The following PCDH15 variants were observed in gnomAD, a reference collection of about 807,000 sequenced individuals.
PCDH15 encodes the protein protocadherin related 15, also known as protocadherin-15.
In PCDH15, 129 loss-of-function variants were observed where a neutral mutation model predicts 178.5. That is an observed-to-expected ratio of 0.72 (90% CI 0.63 to 0.84). PCDH15 has a LOEUF of 0.84. Ranked by LOEUF, PCDH15 falls within the 40% of genes least tolerant of loss-of-function variation. The probability of loss-of-function intolerance (pLI) is 0.00; values close to 1 mark genes in which losing one functional copy is unlikely to be tolerated. For missense variants in PCDH15, 2,230 were observed against 2,099.9 expected (o/e 1.06, Z -1.21); for synonymous variants, 800 against 732.0 (o/e 1.09, Z -1.50).
chr10:53,925,341 C>A (rs886958523), intron 25 of PCDH15, among the ~76,000 whole-genome samples: 1 of 152,078 alleles, frequency 6.6e-6, no homozygotes, highest in Admixed American at 6.5e-5. Flanking sequence ...TAACGCTTAC[C>A]GCGAAGGTCT....
chr10:54,681,822 T>G (rs2094905726), intron 1 of PCDH15, among the ~76,000 whole-genome samples: 1 of 152,208 alleles, frequency 6.6e-6, no homozygotes, highest in Non-Finnish European at 1.5e-5. Context: ...GAAAATAATC[T>G]ATTAAAAAGT....
At chr10:54,000,652 A>G (rs889442392) in intron 20 of PCDH15, among the ~76,000 whole-genome samples, 5 of 152,036 alleles carry the variant, frequency 3.3e-5, no homozygotes, top group African/African-American at 1.2e-4. Context: ...GCAAGAGAAA[A>G]AAAAGAACAA....
chr10:55,018,456 ATTC>A (rs993214894), intron 2 of PCDH15, among the ~76,000 whole-genome samples: 2 of 152,024 alleles, frequency 1.3e-5, no homozygotes, highest in African/African-American at 4.8e-5. Context: ...GTAATACTGT[ATTC>A]TTCTTTTTAT....
chr10:53,970,118 T>G (rs938459410), intron 21 of PCDH15, among the ~76,000 whole-genome samples: 3 of 152,078 alleles, frequency 2.0e-5, no homozygotes, highest in African/African-American at 7.2e-5. Flanking sequence ...GAGACCTATC[T>G]TATGTGCAGC....
rs111593362 is a variant in PCDH15 at position 54,022,070 on chromosome 10, G to C, written c.2526+822C>G. 6.6e-3 allele frequency among the ~76,000 whole-genome samples: 1,001 copies of C among 151,656 alleles called. 8 individuals carry two copies. Among genetic ancestry groups the C allele is most frequent in the African/African-American group, 0.023 (944 of 41,386 alleles). The stretch of plus-strand genomic sequence containing the variant: ...TGGAAGGGATACAGAGTCTGGAAAA[G>C]TATGCTAAAAACATTCAAGTTGTGG... On this transcript the variant is annotated intron_variant, in intron 19 of 37. Transcript: ENST00000644397.
intron 2 of PCDH15, among the ~76,000 whole-genome samples, chr10:54,579,906 A>C (rs2090878945): frequency 6.6e-6 from 1 of 152,080 alleles, no homozygotes. Context: ...ATATTAAGGA[A>C]ATTTATAAAA....
At chr10:54,088,879 A>C (rs2094555328) in intron 16 of PCDH15, among the ~76,000 whole-genome samples, 1 of 152,194 alleles carries the variant, frequency 6.6e-6, no homozygotes, top group African/African-American at 2.4e-5. Flanking sequence ...AAGTCTGTCC[A>C]GGTGCTTATA....
At chr10:54,769,493 C>G (rs1275012790) in intron 1 of PCDH15, among the ~76,000 whole-genome samples, 1 of 150,750 alleles carries the variant, frequency 6.6e-6, no homozygotes, top group African/African-American at 2.4e-5. Flanking sequence ...GCATCCTTTG[C>G]AAACTCACCA....
intron 2 of PCDH15, among the ~76,000 whole-genome samples, chr10:54,959,056 T>C (rs1033586980): frequency 6.6e-6 from 1 of 151,510 alleles, no homozygotes; most frequent in Non-Finnish European, 1.5e-5. Context: ...AAAATAACTA[T>C]AAGTGAGTAT....
chr10:54,086,654 G>A (rs1339566884), intron 16 of PCDH15, among the ~76,000 whole-genome samples: 1 of 152,144 alleles, frequency 6.6e-6, no homozygotes, highest in Admixed American at 6.6e-5. Flanking sequence ...CAGCATTGAG[G>A]TGGTGGAAAC....
intron 2 of PCDH15, among the ~76,000 whole-genome samples, chr10:54,657,978 G>A (rs2094436373): frequency 6.6e-6 from 1 of 152,130 alleles, no homozygotes. Context: ...AGAACTTCAT[G>A]TATTGAAAAA....
chr10:55,056,319 G>A (rs1018392800), intron 2 of PCDH15, among the ~76,000 whole-genome samples: 4 of 151,800 alleles, frequency 2.6e-5, no homozygotes, highest in South Asian at 4.2e-4. Context: ...ATACTCTCTC[G>A]CTCTAGTTTA....
intron 1 of PCDH15, among the ~76,000 whole-genome samples, chr10:54,772,488 C>T (rs1181451008): frequency 1.3e-5 from 2 of 152,058 alleles, no homozygotes; most frequent in African/African-American, 4.8e-5. Flanking sequence ...AGAAGACATA[C>T]ATGCGTCCAA....
intron 2 of PCDH15, among the ~76,000 whole-genome samples, chr10:54,603,491 CTTTT>C (rs375185986): frequency 7.0e-6 from 1 of 142,862 alleles, no homozygotes; most frequent in African/African-American, 2.6e-5. Flanking sequence ...TGAGATGTTT[CTTTT>C]TTTTTTTCTT....
At chr10:55,420,157 A>G (rs1161078581) in intron 2 of PCDH15, among the ~76,000 whole-genome samples, 1 of 151,748 alleles carries the variant, frequency 6.6e-6, no homozygotes, top group African/African-American at 2.4e-5. Context: ...CCTTCAAAAG[A>G]ATATTTAATT....
chr10:55,621,387 C>T (rs528150747), intron 2 of PCDH15, among the ~76,000 whole-genome samples: 1 of 152,108 alleles, frequency 6.6e-6, no homozygotes, highest in South Asian at 2.1e-4. Flanking sequence ...AGCAATGGTC[C>T]CCGCACCCCA....
intron 21 of PCDH15, among the ~76,000 whole-genome samples, chr10:53,964,821 C>T (rs2088819469): frequency 6.6e-6 from 1 of 152,018 alleles, no homozygotes; most frequent in Non-Finnish European, 1.5e-5. Context: ...TAATCATATA[C>T]AATGGCAAAC....
At chr10:55,463,535 T>C (rs1839724975) in intron 2 of PCDH15, among the ~76,000 whole-genome samples, 1 of 151,924 alleles carries the variant, frequency 6.6e-6, no homozygotes, top group Non-Finnish European at 1.5e-5. Flanking sequence ...GTACCTGTAA[T>C]CTAAGAGATT....
At chr10:54,853,327 A>T (rs1193653966) in intron 3 of PCDH15, among the ~76,000 whole-genome samples, 1 of 122,392 alleles carries the variant, frequency 8.2e-6, no homozygotes, top group Non-Finnish European at 1.7e-5. Context: ...ATACATACAC[A>T]CACATATACA....
Sources: allele counts gnomAD v4.1 joint callset (sites outside exome capture counted in the v4.1 genomes callset), GRCh38; gene constraint gnomAD v4.1.1; transcripts MANE v1.5; gene names NCBI Gene and HGNC (gene_info 2026-07-23, HGNC 2026-07-21).